Variants in DDX18 observed in about 807,000 individuals in gnomAD.
DDX18 encodes the protein DEAD-box helicase 18, also known as ATP-dependent RNA helicase DDX18.
DDX18 carries 23 observed loss-of-function variants against 73.5 expected under a neutral mutation model. That is an observed-to-expected ratio of 0.31 (90% confidence interval 0.23 to 0.44). The LOEUF (loss-of-function observed/expected upper bound fraction) is 0.44, where lower values mean the gene tolerates loss of function less well. Ranked by LOEUF, DDX18 falls within the 20% of genes least tolerant of loss-of-function variation. The pLI is 1.00. For missense variants in DDX18, 753 were observed against 792.9 expected (o/e 0.95, Z 0.60); for synonymous variants, 268 against 282.7 (o/e 0.95, Z 0.52).
At chr2:117,829,026 T>C (rs1558735326) in intron 12 of DDX18, 21 bp downstream of exon 12, 1 of 1,600,122 alleles carries the variant, frequency 6.2e-7, no homozygotes, top group African/African-American at 1.3e-5. Context: ...TTTAAACGTT[T>C]GTGAGTAAAC....
chr2:117,821,601 G>A (rs766638278), intron 4 of DDX18, 49 bp from the exon 5 acceptor site: 23 of 1,600,532 alleles, frequency 1.4e-5, no homozygotes, highest in East Asian at 8.9e-5. Context: ...GTAGTACGTC[G>A]TAAATGAGTA....
intron 7 of DDX18, chr2:117,822,810 C>T (rs1408314806): frequency 6.5e-6 from 1 of 154,370 alleles, no homozygotes; most frequent in Non-Finnish European, 1.4e-5. Flanking sequence ...CAATTTCTCC[C>T]TCCCACCCCT....
rs142171150 is a variant in DDX18, at chr2:117,818,167, A to C, written c.370+439A>C. Among the ~76,000 whole-genome samples the C allele has an allele frequency of 3.3e-3, 497 of 152,332 alleles. 5 individuals carry two copies. Among genetic ancestry groups the C allele is most frequent in the African/African-American group, 0.011 (465 of 41,578 alleles). Reference sequence around the variant, plus strand: ...TGCTAAGAATGGCAGGAGGAAAAGGAAGGAATGTTTTTTGAAGATGATGGA... The same window carrying C: ...TGCTAAGAATGGCAGGAGGAAAAGGCAGGAATGTTTTTTGAAGATGATGGA... On this transcript the variant is annotated intron_variant, in intron 2 of 13. Coordinates refer to ENST00000263239, the MANE Select transcript of DDX18 (RefSeq NM_006773.4).
intron 11 of DDX18, 128 bp downstream of exon 11, chr2:117,826,510 C>A: frequency 1.2e-6 from 1 of 840,572 alleles, no homozygotes; most frequent in Non-Finnish European, 1.9e-6. Flanking sequence ...GGCAATTAAG[C>A]AAGTAAGGTT....
chr2:117,815,191 C>T (rs1679736088), intron 1 of DDX18: 2 of 298,938 alleles, frequency 6.7e-6, no homozygotes, highest in African/African-American at 4.3e-5. Context: ...ACCTGCAAGT[C>T]GCACCTCACC....
intron 1 of DDX18, among the ~76,000 whole-genome samples, chr2:117,816,565 C>A (rs1573408463): frequency 6.6e-6 from 1 of 152,100 alleles, no homozygotes; most frequent in Non-Finnish European, 1.5e-5. Flanking sequence ...GATAACAGTG[C>A]CTTCTAAAAT....
chr2:117,826,006 C>A (rs528581080), intron 10 of DDX18: 20 of 392,138 alleles, frequency 5.1e-5, no homozygotes, highest in Non-Finnish European at 8.9e-6. Flanking sequence ...TTTATTAGAT[C>A]GCTGTTAATG....
rs1376225777 is a variant in DDX18, at chr2:117,826,224, T to C, written c.1522-45T>C. ...GGATGCAGATACGCAAATGGGCTCA[T>C]GTGGAAGTCACTGCGTTAACTCAGA... On this transcript the variant is annotated intron_variant, in intron 10 of 13. Coordinates refer to ENST00000263239, the MANE Select transcript of DDX18 (RefSeq NM_006773.4). The C allele has an allele frequency of 1.9e-6, 3 of 1,552,792 alleles. No individual in the cohort carries two copies. The Admixed American group carries it at 5.1e-5, about 26-fold the overall frequency.
chr2:117,826,412 T>C lies in DDX18; in HGVS notation c.1635+30T>C. On this transcript the variant is annotated intron_variant, in intron 11 of 13. Coordinates refer to ENST00000263239, the MANE Select transcript of DDX18 (RefSeq NM_006773.4). ...AGATCTGTACTTGGAGAAAGATTTC[T>C]CTTGGTGTAGGGATTGTTAGCAAGC... 2.5e-6 allele frequency: 4 copies of C among 1,598,098 alleles called. No individual in the cohort carries two copies. In the South Asian group the frequency reaches 3.4e-5, roughly 13 times the overall value.
At chr2:117,815,080 GTCT>G (rs1246567171) in intron 1 of DDX18, 4 of 582,118 alleles carry the variant, frequency 6.9e-6, no homozygotes, top group East Asian at 2.9e-5. Context: ...AGCAATCAGT[GTCT>G]TCTTACAACG....
At chr2:117,820,358 G>A (rs1209863763) in intron 3 of DDX18, among the ~76,000 whole-genome samples, 1 of 152,168 alleles carries the variant, frequency 6.6e-6, no homozygotes, top group African/African-American at 2.4e-5. Context: ...TTCCTGGTTT[G>A]CCCAGAACTT....
intron 13 of DDX18, among the ~76,000 whole-genome samples, 179 bp from the exon 14 acceptor site, chr2:117,830,403 C>G (rs1219042595): frequency 1.3e-5 from 2 of 152,162 alleles, no homozygotes; most frequent in East Asian, 3.8e-4. Flanking sequence ...AGTCCACAGT[C>G]ACGTGGCCAC....
Position 117,814,732 on chromosome 2 carries a change from G to A in DDX18, c.-46G>A, listed in dbSNP as rs565149182. 1.9e-6 allele frequency: 3 copies of A among 1,598,366 alleles called. No homozygotes were observed. Among genetic ancestry groups the A allele is most frequent in the Admixed American group, 1.7e-5 (1 of 59,888 alleles). ...GAAGTAACGTCAGCCTGAGAACTGAGTAGCTGTACTGTGTGGCGCCTTATT... is the reference window on the plus strand; with the variant it reads ...GAAGTAACGTCAGCCTGAGAACTGAATAGCTGTACTGTGTGGCGCCTTATT... On this transcript the variant is annotated 5_prime_UTR_variant, in exon 1 of 14. Transcript: ENST00000263239.
intron 7 of DDX18, chr2:117,822,708 G>T: frequency 6.3e-6 from 1 of 159,192 alleles, no homozygotes; most frequent in Non-Finnish European, 1.4e-5. Context: ...ACAATTTGAT[G>T]TTCTTTGATT....
In DDX18 at chr2:117,817,468, A is replaced by G. The variant is rs751238860; in HGVS notation, c.110A>G (p.Glu37Gly). The change falls in exon 2 of 14, where the codon GAA (glutamate) becomes GGA (glycine). Residue 37 changes from glutamate to glycine, a missense_variant. This residue lies in a region of DDX18 where 345 missense variants were observed against 352.0 expected (regional missense o/e 0.98). Transcript: ENST00000263239. ...GGGGCCTCAAATCTGACCCTATCGG[A>G]AACTCAAAATGGAGATGTATCTGAA... is the stretch of plus-strand genomic sequence containing the variant. The part of the protein sequence containing the change: ...FQGASNLTLS[E>G]TQNGDVSEET... The G allele has an allele frequency of 6.2e-7, 1 of 1,610,218 alleles. No homozygotes were observed. The highest frequency in any genetic ancestry group is 1.1e-5 in the South Asian group (1 of 90,308).
chr2:117,829,328 T>A lies in DDX18; in HGVS notation c.1732T>A (p.Ser578Thr), dbSNP rs576463545. ...LIEKNYFLHK[S>T]AQEAYKSYIR... is the part of the protein sequence containing the mutation. ...TGAAAAGAATTACTTTCTTCATAAG[T>A]CAGCCCAGGAAGCATATAAGTCATA... The change falls in exon 13 of 14, where the codon TCA (serine) becomes ACA (threonine). Residue 578 changes from serine (S) to threonine (T), a missense_variant. Coordinates refer to ENST00000263239, the MANE Select transcript of DDX18 (RefSeq NM_006773.4). 60 of 1,607,620 alleles carry A rather than the reference T, an allele frequency of 3.7e-5. No individual in the cohort carries two copies. The South Asian group carries it at 6.6e-4, about 18-fold the overall frequency.
Position 117,824,607 on chromosome 2 carries a change from C to A in DDX18, c.1105C>A (p.Arg369=). The part of the protein sequence containing the change: ...QTMLFSATQT[R]KVEDLARISL... ...TATGCTCTTTTCTGCCACCCAAACT[C>A]GAAAAGTTGAAGACCTGGCAAGGAT... Residue 369 remains arginine, a synonymous_variant, in exon 8 of 14, where the codon CGA becomes AGA. Transcript: ENST00000263239. The A allele has an allele frequency of 6.7e-7, 1 of 1,491,476 alleles. No individual in the cohort carries two copies. The allele number at this position is 1,491,476 out of a possible 1,614,324, so 92.4% of individuals were successfully genotyped here. A position where few individuals can be genotyped will look rare whatever the true frequency, so the allele number is the denominator to read the frequency against.
chr2:117,828,911 C>A, intron 11 of DDX18, 38 bp from the exon 12 acceptor site: 1 of 1,424,206 alleles, frequency 7.0e-7, no homozygotes, highest in Non-Finnish European at 9.9e-7. Flanking sequence ...GAATGCTGAT[C>A]ATCCTGGTTT....
chr2:117,826,145 T>C lies in DDX18; in HGVS notation c.1522-124T>C, dbSNP rs569243831. 754 of 657,776 alleles carry C rather than the reference T, an allele frequency of 1.1e-3. 3 individuals carry two copies. The highest frequency in any genetic ancestry group is 7.0e-3 in the Middle Eastern group (15 of 2,144). The allele number at this position is 657,776 out of a possible 1,614,324, so 40.7% of individuals were successfully genotyped here. On this transcript the variant is annotated intron_variant, in intron 10 of 13. Coordinates refer to ENST00000263239, the MANE Select transcript of DDX18 (RefSeq NM_006773.4). ...TTTGTGGGGGTGTGGTGAAGGTGTG[T>C]GTGGCCCAGCACCGTGGGACTACAC...
Sources: allele counts gnomAD v4.1 joint callset (sites outside exome capture counted in the v4.1 genomes callset), GRCh38; gene constraint gnomAD v4.1.1; regional missense constraint gnomAD v4.1.1; transcripts MANE v1.5; gene names NCBI Gene and HGNC (gene_info 2026-07-23, HGNC 2026-07-21).